Variants in PSG1 observed in about 807,000 individuals in gnomAD.
The protein encoded by PSG1 is pregnancy specific beta-1-glycoprotein 1.
A neutral mutation model predicts 41.4 loss-of-function variants in PSG1; 60 were observed. That is an observed-to-expected ratio of 1.45 (90% CI 1.18 to 1.80). The LOEUF (loss-of-function observed/expected upper bound fraction) is 1.80. Among genes scored for constraint, PSG1 ranks in the 40% most tolerant of loss-of-function variants. The pLI, the probability that PSG1 is intolerant of heterozygous loss-of-function variation, is 0.00. For synonymous variants in PSG1, 256 were observed against 192.9 expected (o/e 1.33, Z -2.71); for missense variants, 806 against 516.9 (o/e 1.56, Z -5.42).
intron 3 of PSG1, 134 bp from the exon 4 acceptor site, chr19:42,869,168 T>A: frequency 6.6e-7 from 1 of 1,511,582 alleles, no homozygotes; most frequent in Non-Finnish European, 8.9e-7. Context: ...GGTGCTTTTG[T>A]CACAAGATAG....
intron 2 of PSG1, among the ~76,000 whole-genome samples, chr19:42,873,670 GA>G (rs1600504299): frequency 6.6e-6 from 1 of 151,642 alleles, no homozygotes; most frequent in South Asian, 2.1e-4. Flanking sequence ...AAGGTGATTT[GA>G]AATTAGCAGC....
chr19:42,872,123 C>A lies in PSG1; in HGVS notation c.431-78G>T, dbSNP rs1303459265. On this transcript the variant is annotated intron_variant, in intron 2 of 5. Coordinates refer to ENST00000436291, the MANE Select transcript of PSG1 (RefSeq NM_001184825.2). ...AAAGGCATTTTTCAATCAGAATTGG[C>A]ATTTCCCACCTCTCAGCCCACCCAA... 3.9e-6 allele frequency: 6 copies of A among 1,538,556 alleles called. No individual in the cohort carries two copies. In the South Asian group the frequency reaches 7.6e-5, roughly 20 times the overall value.
intron 2 of PSG1, among the ~76,000 whole-genome samples, chr19:42,874,741 T>C: frequency 6.6e-6 from 1 of 151,358 alleles, no homozygotes; most frequent in East Asian, 1.9e-4. Context: ...TATACGCCTG[T>C]CAGGAAGCTA....
At position 42,878,298 on chromosome 19, in the gene PSG1, T is replaced by A; in HGVS notation, c.65-20A>T. 6.3e-7 allele frequency: 1 copy of A among 1,593,004 alleles called. No homozygotes were observed. Among genetic ancestry groups the A allele is most frequent in the South Asian group, 1.2e-5 (1 of 86,332 alleles). On this transcript the variant is annotated intron_variant, in intron 1 of 5. Coordinates refer to ENST00000436291, the MANE Select transcript of PSG1 (RefSeq NM_001184825.2). ...GTGATGCTAGGAGGTGGAGAGAACA[T>A]CAGTCAATATTGAGACCTATGTATT...
chr19:42,879,541 T>G lies in PSG1; in HGVS notation c.41A>C (p.Lys14Thr), dbSNP rs1136128. The G allele has an allele frequency of 1.6e-5, 25 of 1,610,460 alleles. 1 individual carries two copies. The highest frequency in any genetic ancestry group is 8.8e-5 in the South Asian group (8 of 90,780). ...LSAPPCTQRIKWKGLLLTASL... is the reference protein window; with the variant it reads ...LSAPPCTQRITWKGLLLTASL... ...ACCTGTGAGCAGGAGCCCCTTCCATTTGATGCGCTGTGTGCAGGGAGGGGC... is the reference window on the plus strand; with the variant it reads ...ACCTGTGAGCAGGAGCCCCTTCCATGTGATGCGCTGTGTGCAGGGAGGGGC... Residue 14 changes from lysine to threonine, a missense_variant, in exon 1 of 6, where the codon AAA becomes ACA. Lys to Thr is a moderately conservative substitution (Grantham distance 78). Coordinates refer to ENST00000436291, the MANE Select transcript of PSG1 (RefSeq NM_001184825.2).
rs184426018 is a variant in PSG1 at position 42,879,265 on chromosome 19, G to A, written c.64+253C>T. Among the ~76,000 whole-genome samples the A allele has an allele frequency of 6.0e-3, 898 of 149,992 alleles. 17 individuals carry two copies. The highest frequency in any genetic ancestry group is 0.021 in the African/African-American group (872 of 40,662). ...CCTCCCGGGTTCACGTGATTCTCCT[G>A]CCTCAGCCTCCCGAGTAGCTAGGAT... On this transcript the variant is annotated intron_variant, in intron 1 of 5. Coordinates refer to ENST00000436291, the MANE Select transcript of PSG1 (RefSeq NM_001184825.2).
At chr19:42,870,935 C>A (rs1296557691) in intron 3 of PSG1, among the ~76,000 whole-genome samples, 1 of 151,610 alleles carries the variant, frequency 6.6e-6, no homozygotes. Context: ...AAAGAATGAT[C>A]TAGAAAGAGT....
Position 42,878,197 on chromosome 19 carries a change from T to C in PSG1, c.146A>G (p.Lys49Arg), listed in dbSNP as rs749931464. 1 of 1,612,142 alleles carries C rather than the reference T, an allele frequency of 6.2e-7. No homozygotes were observed. The highest frequency in any genetic ancestry group is 1.1e-5 in the South Asian group (1 of 90,790). The change falls in exon 2 of 6, where the codon AAG (lysine) becomes AGG (arginine). Residue 49 changes from lysine (K) to arginine (R), a missense_variant. Lys to Arg is a conservative substitution (Grantham distance 26). Transcript: ENST00000436291. ...ATTGTGGACAAGTAGAAGAACATCC[T>C]TCCCCTCGGAAACTTTGGTTGGCTC... Reference protein sequence around the residue: ...EAEPTKVSEGKDVLLLVHNLP... With the variant: ...EAEPTKVSEGRDVLLLVHNLP...
intron 5 of PSG1, 96 bp from the exon 6 acceptor site, chr19:42,867,246 C>T: frequency 5.4e-6 from 4 of 743,254 alleles, no homozygotes; most frequent in Non-Finnish European, 7.4e-6. Context: ...ATTTTTCCCT[C>T]TATGGGCATC....
intron 3 of PSG1, chr19:42,870,425 T>A (rs922107932): frequency 6.6e-6 from 1 of 151,554 alleles, no homozygotes; most frequent in Admixed American, 6.6e-5. Context: ...TCTAGCTTGG[T>A]GATCAGTTTT....
At position 42,879,106 on chromosome 19, in the gene PSG1, T is replaced by A. The variant is rs572807065; in HGVS notation, c.64+412A>T. Among the ~76,000 whole-genome samples, 8 of 151,488 alleles carry A rather than the reference T, an allele frequency of 5.3e-5. 1 individual carries two copies. Among genetic ancestry groups the A allele is most frequent in the Admixed American group, 4.6e-4 (7 of 15,180 alleles). On this transcript the variant is annotated intron_variant, in intron 1 of 5. Transcript: ENST00000436291. ...TTGACCCCTGTCCCTCTCTGGTGTA[T>A]TTTCCCCTATCCAGGCTCCAACAGA... is the stretch of plus-strand genomic sequence containing the variant.
rs537974031 is a variant in PSG1, at chr19:42,879,678, T to C, written c.-97A>G. On this transcript the variant is annotated 5_prime_UTR_variant, in exon 1 of 6. Transcript: ENST00000436291. ...TCAGCTGTGCTGTCCTTCCTCTTTC[T>C]GTGCTGAGCCTCTTCCCAGGGCAGG... is the stretch of plus-strand genomic sequence containing the variant. 5.1e-5 allele frequency: 78 copies of C among 1,534,020 alleles called. 3 individuals are homozygous for C. In the African/African-American group the frequency reaches 1.0e-3, roughly 20 times the overall value.
rs1971689187 is a variant in PSG1 at position 42,878,033 on chromosome 19, T to C, written c.310A>G (p.Asn104Asp). The change falls in exon 2 of 6, where the codon AAT becomes GAT. Residue 104 changes from asparagine to aspartate, a missense_variant. Coordinates refer to ENST00000436291, the MANE Select transcript of PSG1 (RefSeq NM_001184825.2). ...AYSGRETAYS[N>D]ASLLIQNVTR... ...ACATTCTGGATCAGCAGGGATGCAT[T>C]GGAATATGCTGTTTCTCGTCCACTA... The C allele has an allele frequency of 3.7e-6, 6 of 1,612,464 alleles. No individual in the cohort carries two copies. The East Asian group carries it at 1.3e-4, about 36-fold the overall frequency.
intron 2 of PSG1, among the ~76,000 whole-genome samples, chr19:42,873,804 C>A (rs940357881): frequency 2.0e-5 from 3 of 151,594 alleles, no homozygotes; most frequent in African/African-American, 7.3e-5. Context: ...ATAGAAAGAA[C>A]TCCCTGCTTC....
intron 3 of PSG1, chr19:42,869,302 T>C: frequency 1.4e-6 from 1 of 722,156 alleles, no homozygotes; most frequent in Admixed American, 3.1e-5. Context: ...TCAGTGGGAG[T>C]CACAGCCCCT....
intron 2 of PSG1, among the ~76,000 whole-genome samples, chr19:42,874,735 C>T (rs755269630): frequency 6.0e-5 from 9 of 150,962 alleles, no homozygotes; most frequent in South Asian, 4.3e-4. Context: ...GCTTGTTATA[C>T]GCCTGTCAGG....
chr19:42,879,610 G>A lies in PSG1; in HGVS notation c.-29C>T. The A allele has an allele frequency of 6.2e-7, 1 of 1,608,408 alleles. No individual in the cohort carries two copies. The highest frequency in any genetic ancestry group is 8.5e-7 in the Non-Finnish European group (1 of 1,177,034). ...CTCTGCTGCTTGTGTGTTCTCCTCT[G>A]TGGAGATAAGCCTAGGATCCAGAAA... On this transcript the variant is annotated 5_prime_UTR_variant, in exon 1 of 6. Transcript: ENST00000436291.
intron 2 of PSG1, among the ~76,000 whole-genome samples, chr19:42,872,630 C>G (rs1052602810): frequency 6.6e-6 from 1 of 151,546 alleles, no homozygotes; most frequent in African/African-American, 2.4e-5. Context: ...CGAGGTGGGG[C>G]AGTTTTCCCA....
intron 2 of PSG1, among the ~76,000 whole-genome samples, chr19:42,875,827 T>G (rs1016298687): frequency 1.4e-5 from 2 of 146,766 alleles, no homozygotes; most frequent in Non-Finnish European, 3.0e-5. Context: ...TTTATTTGTT[T>G]TTTTTTTTTT....
Sources: gnomAD v4.1 joint callset for allele counts (sites outside exome capture counted in the v4.1 genomes callset) on GRCh38, gnomAD v4.1.1 for gene constraint, MANE v1.5 for transcripts, NCBI Gene and HGNC (gene_info 2026-07-23, HGNC 2026-07-21) for gene names.